Variants in PAPOLA observed in about 807,000 individuals in gnomAD.
PAPOLA encodes polynucleotide adenylyltransferase alpha.
Under a neutral mutation model 100.6 loss-of-function variants are expected in PAPOLA, and 15 were observed. The ratio of observed to expected loss-of-function variants is 0.15; its 90% CI spans 0.10 to 0.23. The LOEUF is 0.23. Ranked by LOEUF, PAPOLA falls within the 10% of genes least tolerant of loss-of-function variation. PAPOLA has a pLI of 1.00. For missense variants in PAPOLA, 533 were observed against 884.2 expected (o/e 0.60, Z 5.04); for synonymous variants, 293 against 300.0 (o/e 0.98, Z 0.24).
intron 21 of PAPOLA, among the ~76,000 whole-genome samples, chr14:96,563,602 G>C (rs1315655479): frequency 6.6e-6 from 1 of 152,122 alleles, no homozygotes; most frequent in Non-Finnish European, 1.5e-5. Flanking sequence ...AACTGCTGCT[G>C]TACTGATATG....
chr14:96,517,915 G>A (rs1452579932), intron 1 of PAPOLA, among the ~76,000 whole-genome samples: 2 of 151,996 alleles, frequency 1.3e-5, no homozygotes, highest in Non-Finnish European at 2.9e-5. Context: ...TGGCTGGGCT[G>A]GTCTTTGAAC....
chr14:96,560,974 G>C (rs1901794665), intron 20 of PAPOLA, among the ~76,000 whole-genome samples: 1 of 152,168 alleles, frequency 6.6e-6, no homozygotes, highest in Non-Finnish European at 1.5e-5. Context: ...AAAAGTAATT[G>C]AGGGCTGGGG....
In PAPOLA at chr14:96,542,291, G is replaced by A. The variant is rs922740458; in HGVS notation, c.1164G>A (p.Leu388=). 4.4e-6 allele frequency: 7 copies of A among 1,588,452 alleles called. No individual in the cohort carries two copies. The highest frequency in any genetic ancestry group is 6.0e-6 in the Non-Finnish European group (7 of 1,157,034). ...LASAPTEKQR[L]EWVGLVESKI... The stretch of plus-strand genomic sequence containing the variant: ...GTGCACCAACAGAAAAACAACGCCT[G>A]GAATGGTGAGTATAAGAATAGACTT... Residue 388 remains leucine, a synonymous_variant, in exon 13 of 22, where the codon CTG becomes CTA. Transcript: ENST00000216277.
Position 96,552,535 on chromosome 14 carries a change from C to T in PAPOLA, c.1577C>T (p.Ser526Phe), listed in dbSNP as rs1360838497. Residue 526 changes from serine (S) to phenylalanine (F), a missense_variant, in exon 17 of 22, where the codon TCT (serine) becomes TTT (phenylalanine). Coordinates refer to ENST00000216277, the MANE Select transcript of PAPOLA (RefSeq NM_032632.5). ...TALNDSSLDL[S>F]MDSDNSMSVP... ...CTCAATGACAGCAGCCTCGACTTGT[C>T]TATGGACAGTGATAACAGCATGTCT... The T allele has an allele frequency of 1.2e-6, 2 of 1,613,618 alleles. No individual in the cohort carries two copies. The highest frequency in any genetic ancestry group is 1.7e-6 in the Non-Finnish European group (2 of 1,179,640).
rs373174843 is a variant in PAPOLA at position 96,549,490 on chromosome 14, C to T, written c.1521+1572C>T. On this transcript the variant is annotated intron_variant, in intron 16 of 21. Transcript: ENST00000216277. ...GTCTCGATCTCCTGGCCTCGTGATC[C>T]GCCTGCCTCAGCCTTCCAAAGTGCT... Among the ~76,000 whole-genome samples the T allele has an allele frequency of 3.3e-5, 5 of 152,026 alleles. No homozygotes were observed. The East Asian group carries it at 7.7e-4, about 24-fold the overall frequency.
chr14:96,565,646 C>T lies in PAPOLA; in HGVS notation c.*596C>T. 2.5e-6 allele frequency: 1 copy of T among 396,562 alleles called. No homozygotes were observed. The highest frequency in any genetic ancestry group is 4.4e-6 in the Non-Finnish European group (1 of 224,876). 24.6% of individuals were successfully genotyped at this position (396,562 alleles called of 1,614,324 possible). ...AACGTCAACTCTAGGGTACATTTGA[C>T]ATTGAAAGAATAGTTAGGAAATAAC... On this transcript the variant is annotated 3_prime_UTR_variant, in exon 22 of 22. Transcript: ENST00000216277.
chr14:96,533,476 C>T (rs1432466148), intron 9 of PAPOLA: 13 of 983,712 alleles, frequency 1.3e-5, no homozygotes, highest in African/African-American at 1.8e-5. Context: ...TTTCAGTACA[C>T]ATTCTGGCTG....
chr14:96,527,845 G>T lies in PAPOLA; in HGVS notation c.442-108G>T, dbSNP rs570288278. 4.6e-4 allele frequency: 373 copies of T among 803,098 alleles called. 1 individual carries two copies. Among genetic ancestry groups the T allele is most frequent in the South Asian group, 4.3e-3 (317 of 73,732 alleles). 49.7% of individuals were successfully genotyped at this position (803,098 alleles called of 1,614,324 possible). A position where few individuals can be genotyped will look rare whatever the true frequency, so the allele number is the denominator to read the frequency against. On this transcript the variant is annotated intron_variant, in intron 5 of 21. Coordinates refer to ENST00000216277, the MANE Select transcript of PAPOLA (RefSeq NM_032632.5). ...CTGATCTGTCTGATCGAACAGCCCA[G>T]TCTTAAAGCTAGCTATTTTTGTGTC...
chr14:96,536,811 ATG>A lies in PAPOLA; in HGVS notation c.1031-161_1031-160del, dbSNP rs1268921925. On this transcript the variant is annotated intron_variant, in intron 11 of 21. Coordinates refer to ENST00000216277, the MANE Select transcript of PAPOLA (RefSeq NM_032632.5). ...AATCTTCCAGCTTTTTAAAAAAAAA[ATG>A]TGTATATATATAAGAGTATGCTCTA... is the stretch of plus-strand genomic sequence containing the variant. The A allele has an allele frequency of 1.1e-5, 5 of 437,322 alleles. No individual in the cohort carries two copies. In the South Asian group the frequency reaches 1.7e-4, roughly 15 times the overall value. The allele number at this position is 437,322 out of a possible 1,614,324, so 27.1% of individuals were successfully genotyped here. A position where few individuals can be genotyped will look rare whatever the true frequency, so the allele number is the denominator to read the frequency against.
intron 1 of PAPOLA, among the ~76,000 whole-genome samples, chr14:96,508,967 G>C (rs779637896): frequency 4.6e-5 from 7 of 152,180 alleles, no homozygotes; most frequent in African/African-American, 7.2e-5. Flanking sequence ...GTGTTGCATT[G>C]TCATTCCAGT....
intron 1 of PAPOLA, among the ~76,000 whole-genome samples, chr14:96,509,228 T>C (rs1026012585): frequency 8.5e-5 from 13 of 152,106 alleles, no homozygotes; most frequent in Non-Finnish European, 1.8e-4. Flanking sequence ...GACAGGGTTT[T>C]GCCACGTTGC....
At chr14:96,559,016 ATTT>A (rs753986932) in intron 19 of PAPOLA, among the ~76,000 whole-genome samples, 8 of 131,326 alleles carry the variant, frequency 6.1e-5, no homozygotes, top group Non-Finnish European at 6.7e-5. Context: ...TTTCCCTGTA[ATTT>A]TTTTTTTTTT....
chr14:96,534,223 T>C (rs923614440), intron 9 of PAPOLA: 7 of 1,256,170 alleles, frequency 5.6e-6, no homozygotes, highest in Non-Finnish European at 7.0e-6. Context: ...GGTACTTCTT[T>C]ATTTAAATAG....
intron 19 of PAPOLA, among the ~76,000 whole-genome samples, chr14:96,558,163 G>A (rs1001123823): frequency 6.6e-6 from 1 of 151,788 alleles, no homozygotes; most frequent in Non-Finnish European, 1.5e-5. Context: ...TTTTGTTGTT[G>A]TTGTTTTTCA....
intron 10 of PAPOLA, chr14:96,535,216 A>G: frequency 1.1e-6 from 1 of 905,614 alleles, no homozygotes. Flanking sequence ...CTTTTTTTCT[A>G]AATTATTACA....
At chr14:96,540,256 T>C (rs1193786311) in intron 12 of PAPOLA, among the ~76,000 whole-genome samples, 1 of 152,206 alleles carries the variant, frequency 6.6e-6, no homozygotes, top group African/African-American at 2.4e-5. Flanking sequence ...TAATGTGTTG[T>C]AAGAGTGATT....
At chr14:96,546,854 T>G (rs372275730) in intron 15 of PAPOLA, among the ~76,000 whole-genome samples, 19 of 152,282 alleles carry the variant, frequency 1.2e-4, no homozygotes, top group African/African-American at 4.6e-4. Flanking sequence ...TTTTTCTTGT[T>G]TCTCAAATGT....
chr14:96,502,644 C>CT (rs764520171), intron 1 of PAPOLA, 44 bp downstream of exon 1: 1 of 1,558,144 alleles, frequency 6.4e-7, no homozygotes, highest in South Asian at 1.2e-5. Flanking sequence ...CCGGCTGGGC[C>CT]TTGGGGGGCG....
At chr14:96,511,618 T>C (rs1480396954) in intron 1 of PAPOLA, among the ~76,000 whole-genome samples, 1 of 152,228 alleles carries the variant, frequency 6.6e-6, no homozygotes, top group African/African-American at 2.4e-5. Flanking sequence ...ACTTGTTGTT[T>C]AAGGATCTGA....
Sources: gnomAD v4.1 joint callset for allele counts (sites outside exome capture counted in the v4.1 genomes callset) on GRCh38, gnomAD v4.1.1 for gene constraint, MANE v1.5 for transcripts, NCBI Gene and HGNC (gene_info 2026-07-23, HGNC 2026-07-21) for gene names.